Variants in KLK5 observed in about 807,000 individuals in gnomAD.
KLK5 encodes the protein kallikrein related peptidase 5.
Under a neutral mutation model 24.0 loss-of-function variants are expected in KLK5, and 18 were observed. That is an observed-to-expected ratio of 0.75 (90% confidence interval 0.52 to 1.11). The LOEUF is 1.11. KLK5 is among the 50% of genes most tolerant of loss of function. KLK5 has a pLI of 0.00. For missense variants in KLK5, 374 were observed against 379.2 expected (o/e 0.99, Z 0.11); for synonymous variants, 140 against 154.0 (o/e 0.91, Z 0.67).
At chr19:50,950,582 G>C (rs886254573) in intron 2 of KLK5, among the ~76,000 whole-genome samples, 24 of 152,056 alleles carry the variant, frequency 1.6e-4, no homozygotes, top group African/African-American at 5.8e-4. Context: ...TTACATGTTA[G>C]AGTCTCCTAT....
rs552161314 is a variant in KLK5 at position 50,950,498 on chromosome 19, G to A, written c.74-382C>T. On this transcript the variant is annotated intron_variant, in intron 2 of 5. Transcript: ENST00000336334. ...GAACTGGTCTCAAGAAGTGGGGTCA[G>A]GCCTCAGTGAGTGGGGTCAGGGCTG... 1.5e-3 allele frequency among the ~76,000 whole-genome samples: 222 copies of A among 152,224 alleles called. 3 individuals carry two copies. Among genetic ancestry groups the A allele is most frequent in the Non-Finnish European group, 2.1e-3 (142 of 68,018 alleles).
chr19:50,945,673 C>A (rs1197935202), intron 5 of KLK5, among the ~76,000 whole-genome samples: 1 of 150,470 alleles, frequency 6.6e-6, no homozygotes, highest in Non-Finnish European at 1.5e-5. Context: ...TGCCTGTTAT[C>A]CCAGCTACTT....
Position 50,952,642 on chromosome 19 carries a change from G to C in KLK5, c.16C>G (p.Pro6Ala). 1 of 1,601,642 alleles carries C rather than the reference G, an allele frequency of 6.2e-7. No homozygotes were observed. The highest frequency in any genetic ancestry group is 8.5e-7 in the Non-Finnish European group (1 of 1,174,078). MATAR[P>A]PWMWVLCALI... ...GCACAGAGCACCCACATCCAGGGGG[G>C]TCTTGCTGTAGCCATGGCCGCTGCA... is the stretch of plus-strand genomic sequence containing the variant. Residue 6 changes from proline (P) to alanine (A), a missense_variant, in exon 2 of 6, where the codon CCC becomes GCC. Transcript: ENST00000336334.
chr19:50,950,873 G>A (rs931912184), intron 2 of KLK5, among the ~76,000 whole-genome samples: 28 of 130,812 alleles, frequency 2.1e-4, no homozygotes, highest in African/African-American at 7.2e-4. Flanking sequence ...GCCTGGGAGA[G>A]AGAGCAAGAC....
At chr19:50,950,581 A>C (rs1254351416) in intron 2 of KLK5, among the ~76,000 whole-genome samples, 1 of 151,908 alleles carries the variant, frequency 6.6e-6, no homozygotes, top group African/African-American at 2.4e-5. Context: ...GTTACATGTT[A>C]GAGTCTCCTA....
intron 2 of KLK5, 25 bp from the exon 3 acceptor site, chr19:50,950,141 G>A (rs1389853296): frequency 4.0e-6 from 6 of 1,518,400 alleles, no homozygotes; most frequent in Admixed American, 3.5e-5. Context: ...TGGGTTGGGC[G>A]GGGCTCAGAG....
At chr19:50,945,036 T>TCTTTCTCCTTCCTTC (rs1441244927) in intron 5 of KLK5, among the ~76,000 whole-genome samples, 8 of 139,964 alleles carry the variant, frequency 5.7e-5, no homozygotes, top group African/African-American at 1.7e-4. Context: ...TTCCTTCCTT[T>TCTTTCTCCTTCCTTC]CTTTCTCCTT....
Position 50,950,277 on chromosome 19 carries a change from G to A in KLK5, c.74-161C>T, listed in dbSNP as rs557705602. On this transcript the variant is annotated intron_variant, in intron 2 of 5. Transcript: ENST00000336334. ...TAAGAGTGGCACCTCTCAAGCCCAG[G>A]CTCAAGCTCAAGGACAGAGCCCAGG... 4.5e-5 allele frequency: 30 copies of A among 667,204 alleles called. No individual in the cohort carries two copies. In the Admixed American group the frequency reaches 6.0e-4, roughly 13 times the overall value. The allele number at this position is 667,204 out of a possible 1,614,324, so 41.3% of individuals were successfully genotyped here. A position where few individuals can be genotyped will look rare whatever the true frequency, so the allele number is the denominator to read the frequency against.
chr19:50,949,765 CTCACCTCCATGA>C, intron 3 of KLK5, 78 bp downstream of exon 3: 6 of 916,332 alleles, frequency 6.5e-6, no homozygotes, highest in South Asian at 3.6e-5. Flanking sequence ...CCCACCAGCC[CTCACCTCCATGA>C]CACCCCCACC....
At position 50,952,904 on chromosome 19, in the gene KLK5, C is replaced by T. The variant is rs969756229; in HGVS notation, c.-169G>A. 2.8e-5 allele frequency: 10 copies of T among 355,802 alleles called. No homozygotes were observed. The highest frequency in any genetic ancestry group is 2.0e-4 in the African/African-American group (9 of 44,268). The allele number at this position is 355,802 out of a possible 1,614,324, so 22.0% of individuals were successfully genotyped here. ...ATGTGGGTGCAGGACGCACAGACAC[C>T]TCTCCTTCCCTGCCTGCTGAGCCAC... On this transcript the variant is annotated 5_prime_UTR_variant, in exon 1 of 6. Coordinates refer to ENST00000336334, the MANE Select transcript of KLK5 (RefSeq NM_012427.5).
chr19:50,952,348 G>C (rs971420212), intron 2 of KLK5, among the ~76,000 whole-genome samples: 2 of 152,036 alleles, frequency 1.3e-5, no homozygotes, highest in African/African-American at 4.8e-5. Context: ...CAAAGGGTCA[G>C]TGCCACCTGC....
Position 50,950,014 on chromosome 19 carries a change from C to G in KLK5, c.176G>C (p.Arg59Pro), listed in dbSNP as rs376576622. 2.5e-6 allele frequency: 4 copies of G among 1,613,464 alleles called. No homozygotes were observed. The highest frequency in any genetic ancestry group is 3.3e-5 in the Admixed American group (2 of 59,930). ...GATGCGGCTGCTGCTGTCATCCGAC[C>G]GGGCGTCTTCCCCGGCCCCAGCTCC... Reference protein sequence around the residue: ...DLGAGAGEDARSDDSSSRIIN... With the variant: ...DLGAGAGEDAPSDDSSSRIIN... The change falls in exon 3 of 6, where the codon CGG (arginine) becomes CCG (proline). Residue 59 changes from arginine to proline, a missense_variant. Transcript: ENST00000336334.
At chr19:50,946,684 C>T (rs894509093) in intron 5 of KLK5, among the ~76,000 whole-genome samples, 17 of 151,944 alleles carry the variant, frequency 1.1e-4, no homozygotes, top group South Asian at 2.1e-4. Flanking sequence ...CTCAGCCTCC[C>T]GAGTAGCTGG....
Position 50,947,330 on chromosome 19 carries a change from A to G in KLK5, c.726+1310T>C, listed in dbSNP as rs1269519550. 9.2e-5 allele frequency among the ~76,000 whole-genome samples: 14 copies of G among 152,124 alleles called. No homozygotes were observed. In the East Asian group the frequency reaches 2.1e-3, roughly 23 times the overall value. On this transcript the variant is annotated intron_variant, in intron 5 of 5. Coordinates refer to ENST00000336334, the MANE Select transcript of KLK5 (RefSeq NM_012427.5). The surrounding 1 kb of genome is among the most constrained non-coding windows in gnomAD (Gnocchi z 8.7). ...TCCTCTTCTTCTTTGAATCAGCCAA[A>G]TTCCTTACTGCCTCAGGGCCTTTGC... is the stretch of plus-strand genomic sequence containing the variant.
intron 3 of KLK5, among the ~76,000 whole-genome samples, chr19:50,949,519 C>T (rs1330170759): frequency 3.3e-5 from 5 of 151,794 alleles, no homozygotes; most frequent in Non-Finnish European, 7.4e-5. Flanking sequence ...ATTCCACCTC[C>T]ATCCCAAACC....
intron 5 of KLK5, among the ~76,000 whole-genome samples, chr19:50,946,807 C>A (rs1359278617): frequency 6.6e-6 from 1 of 152,132 alleles, no homozygotes; most frequent in Non-Finnish European, 1.5e-5. Context: ...GATCCACCCG[C>A]CTCGGCCTCC....
In KLK5 at chr19:50,947,307, CTCT is replaced by C. The variant is rs1296017954; in HGVS notation, c.726+1330_726+1332del. Among the ~76,000 whole-genome samples, 3 of 152,152 alleles carry C rather than the reference CTCT, an allele frequency of 2.0e-5. No homozygotes were observed. Among genetic ancestry groups the C allele is most frequent in the Admixed American group, 6.5e-5 (1 of 15,268 alleles). On this transcript the variant is annotated intron_variant, in intron 5 of 5. Coordinates refer to ENST00000336334, the MANE Select transcript of KLK5 (RefSeq NM_012427.5). The surrounding 1 kb of genome is among the most constrained non-coding windows in gnomAD (Gnocchi z 8.7). ...TTTGTTCTCCAGTTGCATTGGTTTC[CTCT>C]TCTTCTTTGAATCAGCCAAATTCCT...
chr19:50,946,640 A>G (rs2090637749), intron 5 of KLK5, among the ~76,000 whole-genome samples: 1 of 151,890 alleles, frequency 6.6e-6, no homozygotes, highest in South Asian at 2.1e-4. Flanking sequence ...GCTCACTGCA[A>G]GTTCCGCCTC....
Position 50,947,323 on chromosome 19 carries a change from C to G in KLK5, c.726+1317G>C, listed in dbSNP as rs986272421. 1.3e-5 allele frequency among the ~76,000 whole-genome samples: 2 copies of G among 152,186 alleles called. No individual in the cohort carries two copies. Among genetic ancestry groups the G allele is most frequent in the African/African-American group, 4.8e-5 (2 of 41,442 alleles). ...ATTGGTTTCCTCTTCTTCTTTGAAT[C>G]AGCCAAATTCCTTACTGCCTCAGGG... On this transcript the variant is annotated intron_variant, in intron 5 of 5. Transcript: ENST00000336334. The surrounding 1 kb of genome is among the most constrained non-coding windows in gnomAD (Gnocchi z 8.7).
Sources: allele counts gnomAD v4.1 joint callset (sites outside exome capture counted in the v4.1 genomes callset), GRCh38; gene constraint gnomAD v4.1.1; non-coding constraint Gnocchi (gnomAD v3.1); transcripts MANE v1.5; gene names NCBI Gene and HGNC (gene_info 2026-07-23, HGNC 2026-07-21).